Variants in CRYBA1 observed in about 807,000 individuals in gnomAD.
CRYBA1 encodes the protein beta-crystallin A3.
A neutral mutation model predicts 36.2 loss-of-function variants in CRYBA1; 25 were observed. The ratio of observed to expected loss-of-function variants is 0.69; its 90% CI spans 0.50 to 0.97. CRYBA1 has a LOEUF of 0.97. CRYBA1 is among the 50% of genes least tolerant of loss of function. CRYBA1 has a pLI of 0.00. For missense variants in CRYBA1, 224 were observed against 276.3 expected, an observed-to-expected ratio of 0.81 and a Z score of 1.34; for synonymous variants, 111 against 90.0, an observed-to-expected ratio of 1.23 and a Z score of -1.32.
intron 1 of CRYBA1, 46 bp from the exon 2 acceptor site, chr17:29,249,096 C>G (rs776317220): frequency 3.1e-6 from 4 of 1,293,298 alleles, no homozygotes; most frequent in Admixed American, 1.7e-5. Flanking sequence ...CTCACCTCCC[C>G]CTCCTCCCAA....
At chr17:29,253,373 T>C (rs917560661) in intron 4 of CRYBA1, among the ~76,000 whole-genome samples, 1 of 152,224 alleles carries the variant, frequency 6.6e-6, no homozygotes, top group Non-Finnish European at 1.5e-5. Context: ...GTTGGCTGCA[T>C]TTTGTTAGTA....
In CRYBA1 at chr17:29,250,235, C is replaced by G. The variant is rs897968174; in HGVS notation, c.150C>G (p.Ser50Arg). The G allele has an allele frequency of 6.2e-7, 1 of 1,613,534 alleles. No individual in the cohort carries two copies. The highest frequency in any genetic ancestry group is 1.3e-5 in the African/African-American group (1 of 74,928). Reference sequence around the variant, plus strand: ...AGGGCAAGAGGATGGAGTTCACCAGCTCCTGTCCAAATGTCTCTGAGCGCA... The same window carrying G: ...AGGGCAAGAGGATGGAGTTCACCAGGTCCTGTCCAAATGTCTCTGAGCGCA... Reference protein sequence around the residue: ...NFQGKRMEFTSSCPNVSERSF... With the variant: ...NFQGKRMEFTRSCPNVSERSF... The change falls in exon 3 of 6, where the codon AGC becomes AGG. Residue 50 changes from serine to arginine, a missense_variant. By Grantham distance (110) the Ser-to-Arg change is moderately radical. Coordinates refer to ENST00000225387, the MANE Select transcript of CRYBA1 (RefSeq NM_005208.5).
intron 4 of CRYBA1, among the ~76,000 whole-genome samples, chr17:29,253,278 C>T (rs1192448381): frequency 3.3e-5 from 5 of 152,196 alleles, no homozygotes; most frequent in South Asian, 2.1e-4. Flanking sequence ...CACATACACA[C>T]GCAAGCGCAC....
At chr17:29,251,115 G>C (rs1351497055) in intron 3 of CRYBA1, among the ~76,000 whole-genome samples, 1 of 152,204 alleles carries the variant, frequency 6.6e-6, no homozygotes, top group Non-Finnish European at 1.5e-5. Context: ...CTAGGAGAAA[G>C]AACTCGCAAG....
intron 1 of CRYBA1, among the ~76,000 whole-genome samples, chr17:29,247,724 A>C (rs2068909174): frequency 6.6e-6 from 1 of 152,238 alleles, no homozygotes; most frequent in Admixed American, 6.5e-5. Context: ...GATGAGTGCT[A>C]TAAATCAAGA....
At position 29,250,301 on chromosome 17, in the gene CRYBA1, G is replaced by A. The variant is rs1264025914; in HGVS notation, c.215+1G>A. The stretch of plus-strand genomic sequence containing the variant: ...GGTCCCTGAAGGTGGAAAGTGGCGC[G>A]TGAGTATGGACTTCCGCAGAACCGC... On this transcript the variant is annotated splice_donor_variant, in intron 3 of 5. Coordinates refer to ENST00000225387, the MANE Select transcript of CRYBA1 (RefSeq NM_005208.5). LOFTEE classifies it high-confidence loss of function. 2.5e-6 allele frequency: 4 copies of A among 1,573,234 alleles called. No individual in the cohort carries two copies. Among genetic ancestry groups the A allele is most frequent in the Non-Finnish European group, 3.5e-6 (4 of 1,142,620 alleles).
chr17:29,254,265 T>C lies in CRYBA1; in HGVS notation c.564T>C (p.His188=), dbSNP rs1567671905. 1.2e-6 allele frequency: 2 copies of C among 1,614,084 alleles called. No homozygotes were observed. The highest frequency in any genetic ancestry group is 2.7e-5 in the African/African-American group (2 of 74,934). The change falls in exon 6 of 6, where the codon CAT becomes CAC. Residue 188 remains histidine, a synonymous_variant. Transcript: ENST00000225387. The stretch of plus-strand genomic sequence containing the variant: ...AGTATATCTTGGAATGTGACCATCA[T>C]GGAGGAGACTATAAACATTGGAGAG... ...GYQYILECDH[H]GGDYKHWREW... is the part of the protein sequence containing the mutation.
intron 2 of CRYBA1, among the ~76,000 whole-genome samples, chr17:29,249,652 A>G (rs2068923316): frequency 6.6e-6 from 1 of 151,108 alleles, no homozygotes; most frequent in Admixed American, 6.6e-5. Flanking sequence ...AACACTCCCC[A>G]CTCTCCTCAT....
At chr17:29,251,487 GAA>G (rs148025725) in intron 3 of CRYBA1, among the ~76,000 whole-genome samples, 1 of 149,490 alleles carries the variant, frequency 6.7e-6, no homozygotes, top group Non-Finnish European at 1.5e-5. Flanking sequence ...TGGAGAAAAA[GAA>G]AAAAAAATTT....
intron 3 of CRYBA1, 26 bp downstream of exon 3, chr17:29,250,326 C>A: frequency 7.6e-7 from 1 of 1,323,044 alleles, no homozygotes; most frequent in Non-Finnish European, 1.1e-6. Context: ...CGCAGAACCG[C>A]AGCCCCTTAT....
chr17:29,250,408 A>C (rs1462505386), intron 3 of CRYBA1, 108 bp downstream of exon 3: 9 of 783,578 alleles, frequency 1.1e-5, no homozygotes, highest in Non-Finnish European at 1.9e-5. Context: ...GGCTCTAGTC[A>C]TTTCTCGGAG....
Position 29,249,157 on chromosome 17 carries a change from C to T in CRYBA1, c.47C>T (p.Thr16Ile). Residue 16 changes from threonine to isoleucine, a missense_variant, in exon 2 of 6, where the codon ACC becomes ATC. Coordinates refer to ENST00000225387, the MANE Select transcript of CRYBA1 (RefSeq NM_005208.5). Reference sequence around the variant, plus strand: ...TGTCTTCCAGAAACCCTTCCAACCACCAAGATGGCTCAGACCAACCCTACG... The same window carrying T: ...TGTCTTCCAGAAACCCTTCCAACCATCAAGATGGCTCAGACCAACCCTACG... ...EQQELETLPT[T>I]KMAQTNPTPG... 7 of 1,613,276 alleles carry T rather than the reference C, an allele frequency of 4.3e-6. No individual in the cohort carries two copies. Among genetic ancestry groups the T allele is most frequent in the Non-Finnish European group, 5.9e-6 (7 of 1,179,206 alleles).
At chr17:29,248,525 C>T (rs1003608729) in intron 1 of CRYBA1, among the ~76,000 whole-genome samples, 175 of 151,608 alleles carry the variant, frequency 1.2e-3, no homozygotes, top group African/African-American at 3.8e-3. Context: ...CCATCATACC[C>T]GGCTAATTTT....
rs1567671926 is a variant in CRYBA1, at chr17:29,254,278, A to C, written c.577A>C (p.Lys193Gln). ...ATGTGACCATCATGGAGGAGACTATAAACATTGGAGAGAGTGGGGCTCTCA... is the reference window on the plus strand; with the variant it reads ...ATGTGACCATCATGGAGGAGACTATCAACATTGGAGAGAGTGGGGCTCTCA... ...LECDHHGGDY[K>Q]HWREWGSHAQ... The change falls in exon 6 of 6, where the codon AAA becomes CAA. Residue 193 changes from lysine (K) to glutamine (Q), a missense_variant. Physicochemically the swap from Lys to Gln is moderately conservative, Grantham distance 53. Coordinates refer to ENST00000225387, the MANE Select transcript of CRYBA1 (RefSeq NM_005208.5). 1 of 1,614,196 alleles carries C rather than the reference A, an allele frequency of 6.2e-7. No homozygotes were observed. The highest frequency in any genetic ancestry group is 1.1e-5 in the South Asian group (1 of 91,088).
Position 29,250,164 on chromosome 17 carries a change from C to G in CRYBA1, c.97-18C>G, listed in dbSNP as rs1419922970. 4 of 1,344,260 alleles carry G rather than the reference C, an allele frequency of 3.0e-6. No homozygotes were observed. In the Admixed American group the frequency reaches 6.7e-5, roughly 23 times the overall value. 83.3% of individuals were successfully genotyped at this position (1,344,260 alleles called of 1,614,324 possible). On this transcript the variant is annotated intron_variant, in intron 2 of 5. Coordinates refer to ENST00000225387, the MANE Select transcript of CRYBA1 (RefSeq NM_005208.5). The stretch of plus-strand genomic sequence containing the variant: ...TCCTGATGTTCTAGCTCTCTTGCGC[C>G]ATTCAATCTCATTTCAGATAACCAT...
chr17:29,246,890 G>C lies in CRYBA1; in HGVS notation c.27G>C (p.Glu9Asp). ...TGGAGACCCAGGCTGAGCAGCAGGA[G>C]CTGGGTGAGTAAGGCCCTCAGGGTG... METQAEQQELETLPTTKMA... is the reference protein window; with the variant it reads METQAEQQDLETLPTTKMA... Residue 9 changes from glutamate to aspartate, a missense_variant, in exon 1 of 6, where the codon GAG becomes GAC. Transcript: ENST00000225387. 6.2e-7 allele frequency: 1 copy of C among 1,611,846 alleles called. No individual in the cohort carries two copies. Among genetic ancestry groups the C allele is most frequent in the Non-Finnish European group, 8.5e-7 (1 of 1,179,360 alleles).
chr17:29,246,948 C>T, intron 1 of CRYBA1, 54 bp downstream of exon 1: 1 of 1,566,984 alleles, frequency 6.4e-7, no homozygotes, highest in Non-Finnish European at 8.7e-7. Context: ...CCTGCAGAGA[C>T]ATGCCCAGGA....
At chr17:29,247,439 ATAATTCT>A (rs2068907494) in intron 1 of CRYBA1, among the ~76,000 whole-genome samples, 1 of 152,230 alleles carries the variant, frequency 6.6e-6, no homozygotes, top group South Asian at 2.1e-4. Context: ...GGGGATAATG[ATAATTCT>A]TAATTCATAG....
intron 4 of CRYBA1, among the ~76,000 whole-genome samples, chr17:29,253,265 A>G (rs566562013): frequency 3.7e-4 from 57 of 152,346 alleles, no homozygotes; most frequent in African/African-American, 1.3e-3. Flanking sequence ...ATATCCAACA[A>G]CACACATACA....
Sources: gnomAD v4.1 joint callset for allele counts (sites outside exome capture counted in the v4.1 genomes callset) on GRCh38, gnomAD v4.1.1 for gene constraint, MANE v1.5 for transcripts, NCBI Gene and HGNC (gene_info 2026-07-23, HGNC 2026-07-21) for gene names.